Variants in COL25A1 observed in about 807,000 individuals in gnomAD.
COL25A1 encodes collagen alpha-1(XXV) chain.
COL25A1 carries 103 observed loss-of-function variants against 128.4 expected under a neutral mutation model. The observed-to-expected ratio is 0.80, with a 90% CI of 0.68 to 0.94. The LOEUF (loss-of-function observed/expected upper bound fraction) is 0.94, where lower values mean the gene tolerates loss of function less well. Among genes scored for constraint, COL25A1 ranks in the 40% least tolerant of loss-of-function variants. The pLI, the probability that COL25A1 is intolerant of heterozygous loss-of-function variation, is 0.00. For missense variants in COL25A1, 745 were observed against 840.0 expected, an observed-to-expected ratio of 0.89 and a Z score of 1.40; for synonymous variants, 279 against 277.2, an observed-to-expected ratio of 1.01 and a Z score of -0.06.
At chr4:108,876,384 C>A (rs76746052) in intron 19 of COL25A1, among the ~76,000 whole-genome samples, 6,483 of 151,978 alleles carry the variant, frequency 0.043, 376 homozygotes, top group African/African-American at 0.13. Flanking sequence ...ATGTTCTCCT[C>A]CTTTCCACAT....
chr4:109,138,945 G>A (rs1339185979), intron 3 of COL25A1, among the ~76,000 whole-genome samples: 1 of 152,136 alleles, frequency 6.6e-6, no homozygotes, highest in Non-Finnish European at 1.5e-5. Context: ...CTGACCTTGT[G>A]ATCCGCCCAC....
chr4:109,077,553 A>G (rs1366373360), intron 3 of COL25A1, among the ~76,000 whole-genome samples: 1 of 152,116 alleles, frequency 6.6e-6, no homozygotes, highest in Non-Finnish European at 1.5e-5. Flanking sequence ...GCCTAAAGGC[A>G]GACTAAAAAT....
At chr4:109,031,738 T>G (rs794141) in intron 5 of COL25A1, among the ~76,000 whole-genome samples, 75,226 of 151,946 alleles carry the variant, frequency 0.5, 20,436 homozygotes, top group African/African-American at 0.71. Flanking sequence ...TAGAGGCCCT[T>G]AGCCCCATGA....
At chr4:109,191,554 G>A (rs888897943) in intron 3 of COL25A1, among the ~76,000 whole-genome samples, 1 of 152,132 alleles carries the variant, frequency 6.6e-6, no homozygotes, top group Non-Finnish European at 1.5e-5. Flanking sequence ...GGACTCTCCT[G>A]TTTTCCATAA....
intron 3 of COL25A1, among the ~76,000 whole-genome samples, chr4:109,086,439 C>T (rs1259107112): frequency 1.3e-5 from 2 of 152,160 alleles, no homozygotes; most frequent in Non-Finnish European, 2.9e-5. Flanking sequence ...GGAAAATCCT[C>T]CCCTAAAGGA....
intron 3 of COL25A1, among the ~76,000 whole-genome samples, chr4:109,247,193 A>G (rs1780324404): frequency 6.6e-6 from 1 of 152,170 alleles, no homozygotes; most frequent in East Asian, 1.9e-4. Flanking sequence ...GTAAAACCCC[A>G]TCTCCACCAA....
At chr4:109,034,816 T>C (rs1289975585) in intron 5 of COL25A1, among the ~76,000 whole-genome samples, 1 of 152,192 alleles carries the variant, frequency 6.6e-6, no homozygotes, top group Admixed American at 6.5e-5. Context: ...TTGTTTAAAA[T>C]AAATTAAAAT....
chr4:109,063,502 C>CAA lies in COL25A1; in HGVS notation c.368-13325_368-13324dup, dbSNP rs34484812. ...TGGGCAACAGAGCAAGACTCCAACT[C>CAA]AAAAAAAAAAAAAAAGTGGATAAAA... On this transcript the variant is annotated intron_variant, in intron 3 of 37. Coordinates refer to ENST00000399132, the MANE Select transcript of COL25A1 (RefSeq NM_198721.4). Among the ~76,000 whole-genome samples the CAA allele has an allele frequency of 5.3e-3, 571 of 107,870 alleles. 2 individuals carry two copies. Among genetic ancestry groups the CAA allele is most frequent in the East Asian group, 0.015 (62 of 4,074 alleles). 70.8% of individuals were successfully genotyped at this position (107,870 alleles called of 152,430 possible).
intron 3 of COL25A1, among the ~76,000 whole-genome samples, chr4:109,134,447 C>T (rs112649037): frequency 0.011 from 1,707 of 152,218 alleles, 20 homozygotes; most frequent in African/African-American, 0.03. Flanking sequence ...TCTATTAGAA[C>T]CATGTGGGAG....
intron 3 of COL25A1, among the ~76,000 whole-genome samples, chr4:109,147,788 G>C (rs575115198): frequency 6.1e-5 from 9 of 148,462 alleles, no homozygotes; most frequent in African/African-American, 2.3e-4. Flanking sequence ...CTGCACTCCA[G>C]CCTGGATGAC....
chr4:108,817,554 C>A lies in COL25A1; in HGVS notation c.1924-119G>T, dbSNP rs181006243. ...ACCCATTAGTGACTTTGGTCATGGG[C>A]ATCTTTTACTAATTAGCAACTCCCG... On this transcript the variant is annotated intron_variant, in intron 36 of 37. Coordinates refer to ENST00000399132, the MANE Select transcript of COL25A1 (RefSeq NM_198721.4). The A allele has an allele frequency of 7.8e-6, 6 of 767,494 alleles. No individual in the cohort carries two copies. The African/African-American group carries it at 8.8e-5, about 11-fold the overall frequency. The allele number at this position is 767,494 out of a possible 1,614,324, so 47.5% of individuals were successfully genotyped here.
At chr4:109,255,924 T>C (rs1781048655) in intron 3 of COL25A1, among the ~76,000 whole-genome samples, 1 of 152,202 alleles carries the variant, frequency 6.6e-6, no homozygotes, top group African/African-American at 2.4e-5. Flanking sequence ...AGATTTCAAG[T>C]GGCAGTCCAG....
At chr4:108,874,522 T>C (rs1739197059) in intron 19 of COL25A1, among the ~76,000 whole-genome samples, 1 of 152,074 alleles carries the variant, frequency 6.6e-6, no homozygotes, top group African/African-American at 2.4e-5. Context: ...ATCTAAATCA[T>C]AATTTCAAAA....
intron 8 of COL25A1, among the ~76,000 whole-genome samples, chr4:108,957,104 C>T (rs1431654847): frequency 6.6e-6 from 1 of 152,104 alleles, no homozygotes; most frequent in Non-Finnish European, 1.5e-5. Flanking sequence ...CAGACACATA[C>T]ACAGGTAGGT....
intron 3 of COL25A1, among the ~76,000 whole-genome samples, chr4:109,067,071 AT>A (rs1762511010): frequency 6.6e-6 from 1 of 152,196 alleles, no homozygotes. Context: ...AAGGATTTTC[AT>A]ATAGACACAT....
At chr4:109,021,698 G>A (rs778224213) in intron 5 of COL25A1, 6 of 452,870 alleles carry the variant, frequency 1.3e-5, no homozygotes, top group Non-Finnish European at 2.2e-5. Flanking sequence ...GGATGTGCAA[G>A]TAGAAGAGAT....
At chr4:109,047,473 G>A (rs1046317095) in intron 5 of COL25A1, among the ~76,000 whole-genome samples, 8 of 152,024 alleles carry the variant, frequency 5.3e-5, no homozygotes, top group Middle Eastern at 3.4e-3. Flanking sequence ...TTGGGGACTC[G>A]GGGGAAAAGG....
chr4:109,189,302 C>G (rs1032460370), intron 3 of COL25A1, among the ~76,000 whole-genome samples: 1 of 152,024 alleles, frequency 6.6e-6, no homozygotes, highest in African/African-American at 2.4e-5. Context: ...AATTCCAGCA[C>G]TTTGGGAGCC....
Position 109,097,831 on chromosome 4 carries a change from T to C in COL25A1, c.368-47652A>G, listed in dbSNP as rs562125134. On this transcript the variant is annotated intron_variant, in intron 3 of 37. Transcript: ENST00000399132. ...GGTGCGCACCACCACGCCCAGCTAA[T>C]TTTTGTATTTTTAACAGAGATGGGG... 5.3e-4 allele frequency among the ~76,000 whole-genome samples: 80 copies of C among 151,788 alleles called. 1 individual carries two copies. Among genetic ancestry groups the C allele is most frequent in the African/African-American group, 1.9e-3 (77 of 41,444 alleles).
Sources: gnomAD v4.1 joint callset for allele counts (sites outside exome capture counted in the v4.1 genomes callset) on GRCh38, gnomAD v4.1.1 for gene constraint, MANE v1.5 for transcripts, NCBI Gene and HGNC (gene_info 2026-07-23, HGNC 2026-07-21) for gene names.